Variants in ATF7IP2 observed in about 807,000 individuals in gnomAD.
ATF7IP2 encodes activating transcription factor 7 interacting protein 2, also known as activating transcription factor 7-interacting protein 2.
In ATF7IP2, 42 loss-of-function variants were observed where a neutral mutation model predicts 64.2. The ratio of observed to expected loss-of-function variants is 0.65; its 90% confidence interval spans 0.51 to 0.85. The LOEUF (loss-of-function observed/expected upper bound fraction) is 0.85, where lower values mean the gene tolerates loss of function less well. ATF7IP2 is among the 40% of genes least tolerant of loss of function. ATF7IP2 has a pLI of 0.00. For synonymous variants in ATF7IP2, 308 were observed against 272.8 expected, an observed-to-expected ratio of 1.13 and a Z score of -1.27; for missense variants, 933 against 784.2, an observed-to-expected ratio of 1.19 and a Z score of -2.27.
Position 10,430,980 on chromosome 16 carries a change from T to C in ATF7IP2, c.360T>C (p.Ser120=). Reference sequence around the variant, plus strand: ...TTGTTTGTTCGTACCAAAAGCCAAGTAGAACAACAGAATCCCCCAGCAGAG... The same window carrying C: ...TTGTTTGTTCGTACCAAAAGCCAAGCAGAACAACAGAATCCCCCAGCAGAG... The part of the protein sequence containing the change: ...EQVVCSYQKP[S]RTTESPSRVF... The change falls in exon 5 of 14, where the codon AGT becomes AGC. Residue 120 remains serine (S), a synonymous_variant. Transcript: ENST00000562102. The C allele has an allele frequency of 6.2e-7, 1 of 1,614,136 alleles. No homozygotes were observed. The highest frequency in any genetic ancestry group is 8.5e-7 in the Non-Finnish European group (1 of 1,180,026).
At chr16:10,396,762 C>T (rs2047427955) in intron 1 of ATF7IP2, among the ~76,000 whole-genome samples, 1 of 151,900 alleles carries the variant, frequency 6.6e-6, no homozygotes, top group African/African-American at 2.4e-5. Flanking sequence ...GATGCTCCTG[C>T]TTCAGCTTGT....
chr16:10,414,243 A>G (rs1047696422), intron 1 of ATF7IP2, among the ~76,000 whole-genome samples: 25 of 152,166 alleles, frequency 1.6e-4, no homozygotes, highest in Middle Eastern at 3.2e-3. Context: ...GTTGTTTAAC[A>G]TAATCTCAGA....
rs1409365449 is a variant in ATF7IP2 at position 10,483,282 on chromosome 16, T to G, written c.*1033T>G. The G allele has an allele frequency of 6.6e-6, 1 of 152,198 alleles. No individual in the cohort carries two copies. Among genetic ancestry groups the G allele is most frequent in the Non-Finnish European group, 1.5e-5 (1 of 68,032 alleles). The allele number at this position is 152,198 out of a possible 1,614,324, so 9.4% of individuals were successfully genotyped here. On this transcript the variant is annotated 3_prime_UTR_variant, in exon 14 of 14. Coordinates refer to ENST00000562102, the MANE Select transcript of ATF7IP2 (RefSeq NM_001393719.1). ...ATTTGTCCACCTTTGATTTGAGGCT[T>G]TAGTTTGCTGATTTCCTAAATGCTA... is the stretch of plus-strand genomic sequence containing the variant.
chr16:10,471,961 T>A (rs1410631863), intron 9 of ATF7IP2, 149 bp from the exon 10 acceptor site: 2 of 444,424 alleles, frequency 4.5e-6, no homozygotes, highest in Non-Finnish European at 8.0e-6. Context: ...TTTTTGGGTA[T>A]TTGGTTTTAT....
At chr16:10,440,529 A>G in intron 8 of ATF7IP2, 67 bp downstream of exon 8, 2 of 910,386 alleles carry the variant, frequency 2.2e-6, no homozygotes, top group Non-Finnish European at 3.4e-6. Context: ...ATTAGAAGAA[A>G]TGAATATATT....
chr16:10,443,933 G>A (rs2048715309), intron 8 of ATF7IP2, among the ~76,000 whole-genome samples: 1 of 152,170 alleles, frequency 6.6e-6, no homozygotes, highest in Admixed American at 6.5e-5. Flanking sequence ...GACCTTCCGT[G>A]AAAGTCCAGC....
At chr16:10,424,650 A>G (rs960036679) in intron 3 of ATF7IP2, among the ~76,000 whole-genome samples, 1 of 152,236 alleles carries the variant, frequency 6.6e-6, no homozygotes, top group Non-Finnish European at 1.5e-5. Flanking sequence ...ATAAAAACGC[A>G]AATAACACAG....
chr16:10,465,867 CAAGAT>C (rs1183423849), intron 9 of ATF7IP2, among the ~76,000 whole-genome samples: 1 of 152,042 alleles, frequency 6.6e-6, no homozygotes, highest in Non-Finnish European at 1.5e-5. Flanking sequence ...ATGGATTTCT[CAAGAT>C]AAGCATTAAC....
chr16:10,445,778 A>T (rs1596536319), intron 8 of ATF7IP2: 1 of 152,410 alleles, frequency 6.6e-6, no homozygotes, highest in East Asian at 1.9e-4. Context: ...AAGTACTGGG[A>T]TTACAGGCGT....
chr16:10,412,158 T>C lies in ATF7IP2; in HGVS notation c.-241-2416T>C, dbSNP rs184782637. ...TCTCATTTATCTTTTGTATTTTTTTTTTTGTTTCAATTTCATTTAGCTCTG... is the reference window on the plus strand; with the variant it reads ...TCTCATTTATCTTTTGTATTTTTTTCTTTGTTTCAATTTCATTTAGCTCTG... On this transcript the variant is annotated intron_variant, in intron 1 of 13. Transcript: ENST00000562102. 5.9e-5 allele frequency among the ~76,000 whole-genome samples: 9 copies of C among 151,884 alleles called. No individual in the cohort carries two copies. In the East Asian group the frequency reaches 1.7e-3, roughly 29 times the overall value.
rs888123416 is a variant in ATF7IP2 at position 10,430,716 on chromosome 16, A to G, written c.96A>G (p.Ser32=). 4.3e-6 allele frequency: 7 copies of G among 1,614,142 alleles called. No homozygotes were observed. Among genetic ancestry groups the G allele is most frequent in the Non-Finnish European group, 5.1e-6 (6 of 1,180,016 alleles). The change falls in exon 5 of 14, where the codon TCA becomes TCG. Residue 32 remains serine, a synonymous_variant. Transcript: ENST00000562102. ...CRKQVEMLNK[S]RNVEALKTAI... is the part of the protein sequence containing the mutation. ...AGCAAGTAGAGATGCTGAATAAGTC[A>G]AGGAATGTTGAAGCGCTGAAAACAG...
intron 9 of ATF7IP2, among the ~76,000 whole-genome samples, chr16:10,459,819 C>T (rs567660576): frequency 1.3e-5 from 2 of 152,176 alleles, no homozygotes; most frequent in South Asian, 2.1e-4. Context: ...TCTACAGAAT[C>T]CCTAAGACAA....
At position 10,478,354 on chromosome 16, in the gene ATF7IP2, T is replaced by G. The variant is rs1464609492; in HGVS notation, c.1550-2525T>G. On this transcript the variant is annotated intron_variant, in intron 12 of 13. Transcript: ENST00000562102. ...GAGCCCTCAGAAATAACGCCACATA[T>G]CTACAACTATCTGATCTTTGACAAA... Among the ~76,000 whole-genome samples, 7 of 152,004 alleles carry G rather than the reference T, an allele frequency of 4.6e-5. 1 individual carries two copies. Among genetic ancestry groups the G allele is most frequent in the African/African-American group, 1.7e-4 (7 of 41,428 alleles).
chr16:10,387,338 G>A (rs1158499013), intron 1 of ATF7IP2: 1 of 152,208 alleles, frequency 6.6e-6, no homozygotes, highest in Non-Finnish European at 1.5e-5. Context: ...GTTTGTAGAA[G>A]TGTTGACTCC....
chr16:10,416,080 C>G (rs1422856808), intron 2 of ATF7IP2, among the ~76,000 whole-genome samples: 1 of 152,194 alleles, frequency 6.6e-6, no homozygotes, highest in Non-Finnish European at 1.5e-5. Flanking sequence ...ACCATGCAAT[C>G]CAGCGATCCA....
chr16:10,390,861 C>G (rs1461007619), intron 1 of ATF7IP2, among the ~76,000 whole-genome samples: 1 of 152,062 alleles, frequency 6.6e-6, no homozygotes, highest in African/African-American at 2.4e-5. Context: ...GCAAAGCAAA[C>G]GCAAAGAAAG....
chr16:10,409,219 G>A (rs1168237469), intron 1 of ATF7IP2, among the ~76,000 whole-genome samples: 1 of 152,138 alleles, frequency 6.6e-6, no homozygotes, highest in African/African-American at 2.4e-5. Flanking sequence ...TACAGTGGTG[G>A]GACGTGTGGT....
rs2049992379 is a variant in ATF7IP2, at chr16:10,475,893, A to G, written c.1549+1904A>G. On this transcript the variant is annotated intron_variant, in intron 12 of 13. Coordinates refer to ENST00000562102, the MANE Select transcript of ATF7IP2 (RefSeq NM_001393719.1). ...AACAATACAAGTCTCAACTATGATT[A>G]CAAGAGATGTACTTTAAAAAGGAAA... Among the ~76,000 whole-genome samples the G allele has an allele frequency of 2.6e-5, 4 of 152,214 alleles. No homozygotes were observed. In the South Asian group the frequency reaches 8.3e-4, roughly 31 times the overall value.
At chr16:10,407,805 C>T (rs192059868) in intron 1 of ATF7IP2, among the ~76,000 whole-genome samples, 325 of 152,228 alleles carry the variant, frequency 2.1e-3, no homozygotes, top group African/African-American at 7.1e-3. Flanking sequence ...CCCCTGAGTC[C>T]CCATAGTTCA....
Sources: gnomAD v4.1 joint callset for allele counts (sites outside exome capture counted in the v4.1 genomes callset) on GRCh38, gnomAD v4.1.1 for gene constraint, MANE v1.5 for transcripts, NCBI Gene and HGNC (gene_info 2026-07-23, HGNC 2026-07-21) for gene names.